GLI2: variants seen among roughly 807,000 people sequenced by gnomAD.
GLI2 encodes GLI family zinc finger 2.
Under a neutral mutation model 78.9 loss-of-function variants are expected in GLI2, and 22 were observed. That is an observed-to-expected ratio of 0.28 (90% CI 0.20 to 0.40). GLI2 has a LOEUF of 0.40. Among genes scored for constraint, GLI2 ranks in the 10% least tolerant of loss-of-function variants. GLI2 has a pLI of 1.00. For missense variants in GLI2, 2,097 were observed against 2,213.2 expected (o/e 0.95, Z 1.05); for synonymous variants, 974 against 963.7 (o/e 1.01, Z -0.20).
chr2:120,986,298 G>A lies in GLI2; in HGVS notation c.1926G>A (p.Gly642=), dbSNP rs753669929. The change falls in exon 13 of 14, where the codon GGG becomes GGA. Residue 642 remains glycine (G), a synonymous_variant. Transcript: ENST00000361492. ...TGCAGCTGTGTCAGTCCAGCCCCGG[G>A]GCCCAGTCGTCCTGCAGCAGCGAGC... The part of the protein sequence containing the change: ...ESSGLCQSSP[G]AQSSCSSEPS... 2 of 1,613,202 alleles carry A rather than the reference G, an allele frequency of 1.2e-6. No homozygotes were observed. The highest frequency in any genetic ancestry group is 1.1e-5 in the South Asian group (1 of 91,076).
chr2:120,848,633 T>C (rs1687239381), intron 2 of GLI2, among the ~76,000 whole-genome samples: 1 of 152,170 alleles, frequency 6.6e-6, no homozygotes, highest in East Asian at 1.9e-4. Flanking sequence ...CTTGGCACCT[T>C]TGCCTTTCCT....
At chr2:120,964,548 A>G (rs559664315) in intron 5 of GLI2, among the ~76,000 whole-genome samples, 5 of 152,316 alleles carry the variant, frequency 3.3e-5, no homozygotes, top group African/African-American at 9.6e-5. Flanking sequence ...TCACGAGCCC[A>G]CACGTAAGTG....
At chr2:120,764,515 G>A (rs925755001) in intron 1 of GLI2, among the ~76,000 whole-genome samples, 20 of 152,210 alleles carry the variant, frequency 1.3e-4, no homozygotes, top group African/African-American at 4.6e-4. Flanking sequence ...GTGGGAGTGA[G>A]TGTCCGGGTC....
At chr2:120,941,067 A>T (rs1465417045) in intron 3 of GLI2, among the ~76,000 whole-genome samples, 1 of 152,196 alleles carries the variant, frequency 6.6e-6, no homozygotes, top group Non-Finnish European at 1.5e-5. Context: ...TGACGTGTGG[A>T]CGCAGACACA....
At chr2:120,900,741 A>G (rs538693251) in intron 2 of GLI2, among the ~76,000 whole-genome samples, 2 of 152,322 alleles carry the variant, frequency 1.3e-5, no homozygotes, top group East Asian at 3.9e-4. Context: ...CGGACATTGT[A>G]TCCAAAAATC....
intron 2 of GLI2, among the ~76,000 whole-genome samples, chr2:120,850,070 G>A (rs1030073590): frequency 6.6e-6 from 1 of 152,214 alleles, no homozygotes; most frequent in South Asian, 2.1e-4. Context: ...AGGTGATGGA[G>A]TATTTGACTA....
rs921782841 is a variant in GLI2 at position 120,826,238 on chromosome 2, G to C, written c.148+28770G>C. Among the ~76,000 whole-genome samples the C allele has an allele frequency of 2.6e-5, 4 of 152,322 alleles. No individual in the cohort carries two copies. In the South Asian group the frequency reaches 8.3e-4, roughly 32 times the overall value. ...AGAAGCTGAGACAGAGAGGGGCTGA[G>C]TGCATGCAGCTGAAGCAGTGCCCTC... On this transcript the variant is annotated intron_variant, in intron 2 of 13. Coordinates refer to ENST00000361492, the MANE Select transcript of GLI2 (RefSeq NM_001374353.1).
chr2:120,793,916 G>A (rs2104689334), intron 1 of GLI2, among the ~76,000 whole-genome samples: 1 of 152,318 alleles, frequency 6.6e-6, no homozygotes, highest in South Asian at 2.1e-4. Context: ...CACTCCCCAT[G>A]GGGGCCTCAG....
At chr2:120,954,783 T>TA (rs1681160969) in intron 4 of GLI2, among the ~76,000 whole-genome samples, 2 of 152,194 alleles carry the variant, frequency 1.3e-5, no homozygotes, top group Admixed American at 1.3e-4. Flanking sequence ...CCAGGAGCTT[T>TA]ATCTGGCCAG....
chr2:120,931,887 A>G (rs374017683), intron 3 of GLI2, among the ~76,000 whole-genome samples: 12 of 152,286 alleles, frequency 7.9e-5, no homozygotes, highest in East Asian at 7.7e-4. Context: ...TGGTGCTCCC[A>G]GAGCCCCCCG....
intron 2 of GLI2, among the ~76,000 whole-genome samples, chr2:120,862,114 C>T (rs1215955374): frequency 1.3e-5 from 2 of 152,144 alleles, no homozygotes; most frequent in Non-Finnish European, 2.9e-5. Flanking sequence ...CCCGCTTTGG[C>T]AGGCAAGGCT....
intron 3 of GLI2, among the ~76,000 whole-genome samples, chr2:120,942,739 A>G (rs1262809590): frequency 6.6e-6 from 1 of 152,116 alleles, no homozygotes; most frequent in Non-Finnish European, 1.5e-5. Flanking sequence ...GTGAGCCGGG[A>G]CCCATGTCTT....
At chr2:120,766,485 G>C (rs747214491) in intron 1 of GLI2, among the ~76,000 whole-genome samples, 3 of 152,222 alleles carry the variant, frequency 2.0e-5, no homozygotes, top group Non-Finnish European at 4.4e-5. Context: ...GCCCTGGGCA[G>C]AGAAGAAAAG....
chr2:120,959,547 G>T (rs1396326334), intron 5 of GLI2, among the ~76,000 whole-genome samples: 1 of 152,230 alleles, frequency 6.6e-6, no homozygotes, highest in Non-Finnish European at 1.5e-5. Flanking sequence ...TTTTAAAAAT[G>T]CTTTCCGCAC....
At chr2:120,934,452 G>A (rs1256616905) in intron 3 of GLI2, among the ~76,000 whole-genome samples, 5 of 152,218 alleles carry the variant, frequency 3.3e-5, no homozygotes, top group African/African-American at 1.2e-4. Context: ...ATGGCTTCCT[G>A]CAGATCTCTT....
chr2:120,824,816 A>G (rs906981322), intron 2 of GLI2, among the ~76,000 whole-genome samples: 2 of 152,150 alleles, frequency 1.3e-5, no homozygotes, highest in African/African-American at 4.8e-5. Context: ...GGATGTCCCC[A>G]TGGCATTTCT....
chr2:120,775,745 C>T (rs1683657584), intron 1 of GLI2, among the ~76,000 whole-genome samples: 1 of 152,178 alleles, frequency 6.6e-6, no homozygotes, highest in Non-Finnish European at 1.5e-5. Flanking sequence ...GGGTTTGGAA[C>T]ATGAGGGTGG....
intron 3 of GLI2, 65 bp from the exon 4 acceptor site, chr2:120,951,178 T>A: frequency 1.1e-6 from 1 of 912,872 alleles, no homozygotes; most frequent in Admixed American, 1.7e-5. Flanking sequence ...CCATGTTGGT[T>A]TTGGGGTCTT....
rs142626503 is a variant in GLI2 at position 120,800,473 on chromosome 2, T to TTTA, written c.148+3023_148+3025dup. 3.6e-3 allele frequency among the ~76,000 whole-genome samples: 528 copies of TTTA among 148,534 alleles called. 4 individuals carry two copies. Among genetic ancestry groups the TTTA allele is most frequent in the African/African-American group, 0.012 (491 of 40,608 alleles). On this transcript the variant is annotated intron_variant, in intron 2 of 13. Coordinates refer to ENST00000361492, the MANE Select transcript of GLI2 (RefSeq NM_001374353.1). The surrounding 1 kb of genome is among the most constrained non-coding windows in gnomAD (Gnocchi z 4.1). ...TTTGCTGTCTGGCGGAAAGGGATGA[T>TTTA]TTATTATTATTATTATTATTTTATT...
Sources: gnomAD v4.1 joint callset for allele counts (sites outside exome capture counted in the v4.1 genomes callset) on GRCh38, gnomAD v4.1.1 for gene constraint, Gnocchi (gnomAD v3.1) non-coding constraint, MANE v1.5 for transcripts, NCBI Gene and HGNC (gene_info 2026-07-23, HGNC 2026-07-21) for gene names.